The following DRC2 variants were observed in gnomAD, a reference collection of about 807,000 sequenced individuals.
DRC2 encodes coiled-coil domain containing 65.
chr12:48,912,860 A>G, the DRC2 span, among the ~76,000 whole-genome samples: 10 of 151,016 alleles, frequency 6.6e-5, no homozygotes, highest in Admixed American at 6.6e-4. Flanking sequence ...AGGTTCTGCC[A>G]GGGGCGGTGG....
At chr12:48,912,629 T>C in the DRC2 span, among the ~76,000 whole-genome samples, 4 of 152,024 alleles carry the variant, frequency 2.6e-5, no homozygotes, top group South Asian at 2.1e-4. Context: ...CATGTAGTCA[T>C]AGGGTCTGCC....
At chr12:48,920,959 A>G in the DRC2 span, 42 of 1,613,512 alleles carry the variant, frequency 2.6e-5, no homozygotes, top group African/African-American at 3.1e-4. Context: ...TTGCTGAAAT[A>G]TGTAGGAAAT....
At chr12:48,909,247 T>C in the DRC2 span, among the ~76,000 whole-genome samples, 1 of 151,722 alleles carries the variant, frequency 6.6e-6, no homozygotes, top group Non-Finnish European at 1.5e-5. Flanking sequence ...TTCTCTATGT[T>C]GGTCAGGCTG....
At chr12:48,915,846 G>C in the DRC2 span, among the ~76,000 whole-genome samples, 5 of 151,716 alleles carry the variant, frequency 3.3e-5, no homozygotes, top group Non-Finnish European at 7.4e-5. Context: ...TCTCAGACGG[G>C]GCAGCTGCCG....
chr12:48,912,864 G>A, the DRC2 span, among the ~76,000 whole-genome samples: 2 of 150,316 alleles, frequency 1.3e-5, no homozygotes, highest in Non-Finnish European at 3.0e-5. Flanking sequence ...TCTGCCAGGG[G>A]CGGTGGCTCA....
At chr12:48,915,051 C>CTT in the DRC2 span, among the ~76,000 whole-genome samples, 1 of 148,830 alleles carries the variant, frequency 6.7e-6, no homozygotes, top group Admixed American at 6.7e-5. Flanking sequence ...TTTTAAATAA[C>CTT]TTTTTTTTCT....
the DRC2 span, among the ~76,000 whole-genome samples, chr12:48,908,147 G>A: frequency 6.6e-6 from 1 of 151,982 alleles, no homozygotes; most frequent in Non-Finnish European, 1.5e-5. Flanking sequence ...TCGCTGTGTT[G>A]CCCAGGCTGA....
the DRC2 span, among the ~76,000 whole-genome samples, chr12:48,910,797 C>A: frequency 6.6e-6 from 1 of 152,128 alleles, no homozygotes; most frequent in Non-Finnish European, 1.5e-5. Context: ...GAAATCCCAG[C>A]ACTTTGGGAG....
At chr12:48,908,540 C>A in the DRC2 span, among the ~76,000 whole-genome samples, 1 of 151,028 alleles carries the variant, frequency 6.6e-6, no homozygotes, top group Admixed American at 6.6e-5. Context: ...TCACATTGAA[C>A]TGCCTCTAGA....
the DRC2 span, among the ~76,000 whole-genome samples, chr12:48,917,339 C>G: frequency 7.0e-6 from 1 of 142,398 alleles, no homozygotes; most frequent in Non-Finnish European, 1.5e-5. Context: ...TAGTGTGTGC[C>G]TATGGTCCAA....
chr12:48,904,876 T>A, the DRC2 span: 30 of 1,336,712 alleles, frequency 2.2e-5, no homozygotes, highest in Non-Finnish European at 3.1e-5. Flanking sequence ...AGCTGATAAA[T>A]TAAGAGTGAT....
chr12:48,921,225 C>G, the DRC2 span: 1 of 1,614,142 alleles, frequency 6.2e-7, no homozygotes, highest in Non-Finnish European at 8.5e-7. Context: ...CAAAGTGAAA[C>G]TGGAGCAACT....
the DRC2 span, among the ~76,000 whole-genome samples, chr12:48,908,942 C>G: frequency 6.6e-6 from 1 of 151,490 alleles, no homozygotes; most frequent in African/African-American, 2.4e-5. Flanking sequence ...CTGTTTAAAT[C>G]TTAGTGGTTC....
At chr12:48,918,519 ATC>A in the DRC2 span, 2 of 1,585,782 alleles carry the variant, frequency 1.3e-6, no homozygotes, top group Non-Finnish European at 1.7e-6. Flanking sequence ...CTGCTCTATT[ATC>A]CCCTCTTTTG....
the DRC2 span, among the ~76,000 whole-genome samples, chr12:48,914,030 A>C: frequency 6.7e-6 from 1 of 149,282 alleles, no homozygotes; most frequent in African/African-American, 2.5e-5. Context: ...CCTGGGCTTA[A>C]GCAATCCTCC....
chr12:48,905,954 T>A, the DRC2 span, among the ~76,000 whole-genome samples: 4 of 152,038 alleles, frequency 2.6e-5, no homozygotes, highest in African/African-American at 9.7e-5. Flanking sequence ...GTATTTTTAG[T>A]TGAGATGGGG....
At chr12:48,918,954 T>C in the DRC2 span, 3 of 1,452,538 alleles carry the variant, frequency 2.1e-6, no homozygotes, top group African/African-American at 4.2e-5. Context: ...CCTGCCTCCC[T>C]GCAAAGTGAA....
At chr12:48,912,714 G>A in the DRC2 span, among the ~76,000 whole-genome samples, 4 of 152,120 alleles carry the variant, frequency 2.6e-5, no homozygotes, top group African/African-American at 9.7e-5. Context: ...GAGAATTGTA[G>A]GATGGGAGAT....
chr12:48,909,802 A>G, the DRC2 span, among the ~76,000 whole-genome samples: 1 of 125,016 alleles, frequency 8.0e-6, no homozygotes, highest in Non-Finnish European at 1.7e-5. Flanking sequence ...TTTTCCCGAG[A>G]CGGAGTCTCA....
Sources: allele counts gnomAD v4.1 joint callset (sites outside exome capture counted in the v4.1 genomes callset), GRCh38; gene constraint gnomAD v4.1.1; transcripts MANE v1.5; gene names NCBI Gene and HGNC (gene_info 2026-07-23, HGNC 2026-07-21).